MAN2C1: variants seen among roughly 807,000 people sequenced by gnomAD.
MAN2C1 encodes mannosidase alpha class 2C member 1.
In MAN2C1, 111 loss-of-function variants were observed where a neutral mutation model predicts 126.9. That is an observed-to-expected ratio of 0.87 (90% CI 0.75 to 1.02). The LOEUF is 1.02. MAN2C1 is among the 50% of genes least tolerant of loss of function. The pLI is 0.00. For missense variants in MAN2C1, 1,363 were observed against 1,364.4 expected (o/e 1.00, Z 0.02); for synonymous variants, 567 against 561.5 (o/e 1.01, Z -0.14).
Position 75,362,762 on chromosome 15 carries a change from G to C in MAN2C1, c.791-14C>G, listed in dbSNP as rs571556888. 6.2e-7 allele frequency: 1 copy of C among 1,610,382 alleles called. No homozygotes were observed. The highest frequency in any genetic ancestry group is 1.1e-5 in the South Asian group (1 of 90,972). On this transcript the variant is annotated splice_polypyrimidine_tract_variant and intron_variant, in intron 6 of 25. Transcript: ENST00000267978. This position sits in a 1 kb window ranked among gnomAD's most constrained non-coding sequence, Gnocchi z 4.5. ...GCCAAAGCCAGGCTATACGGGGAGTGAGGTGGAGGACAGAGGGAGCAGCAA... is the reference window on the plus strand; with the variant it reads ...GCCAAAGCCAGGCTATACGGGGAGTCAGGTGGAGGACAGAGGGAGCAGCAA...
Position 75,358,497 on chromosome 15 carries a change from C to A in MAN2C1, c.2368G>T (p.Asp790Tyr). ...AAGCGGACATAGGGGCAGCCAACGT[C>A]CAGCACAACCTCCTGGCTAAGCCGA... ...NSRLSQEVVL[D>Y]VGCPYVRFHT... The change falls in exon 20 of 26, where the codon GAC becomes TAC. Residue 790 changes from aspartate (D) to tyrosine (Y), a missense_variant. By Grantham distance (160) the Asp-to-Tyr change is radical. Transcript: ENST00000267978. The A allele has an allele frequency of 6.2e-7, 1 of 1,613,526 alleles. No homozygotes were observed. The highest frequency in any genetic ancestry group is 8.5e-7 in the Non-Finnish European group (1 of 1,180,012).
intron 13 of MAN2C1, 163 bp from the exon 14 acceptor site, chr15:75,360,374 G>A: frequency 7.7e-7 from 1 of 1,297,058 alleles, no homozygotes; most frequent in Non-Finnish European, 1.1e-6. Flanking sequence ...TCTCCCCGCA[G>A]CCCAAACCCT....
intron 18 of MAN2C1, 105 bp from the exon 19 acceptor site, chr15:75,358,913 A>G (rs1002571414): frequency 1.3e-4 from 174 of 1,381,930 alleles, no homozygotes; most frequent in Non-Finnish European, 1.3e-4. Context: ...ACAGGGGACT[A>G]CTGCCCAGCC....
chr15:75,355,934 A>G lies in MAN2C1; in HGVS notation c.3095T>C (p.Leu1032Ser). 6.2e-7 allele frequency: 1 copy of G among 1,614,216 alleles called. No individual in the cohort carries two copies. ...GTGTGGCGGAGGCTGAAGCACGAGC[A>G]ACAGGGACAGCACTTGGAAGGGAGA... ...TFSPFQVLSL[L>S]LVLQPPPH Residue 1032 changes from leucine (L) to serine (S), a missense_variant, in exon 26 of 26, where the codon TTG becomes TCG. Leu to Ser is a moderately radical substitution (Grantham distance 145). Around this residue, in one of 3 missense-constraint regions of MAN2C1, gnomAD observed 668 missense variants for 650.1 expected, o/e 1.03. Coordinates refer to ENST00000267978, the MANE Select transcript of MAN2C1 (RefSeq NM_006715.4).
Position 75,368,200 on chromosome 15 carries a change from TGCGTGGGACGGGCCGGTG to T in MAN2C1, c.102-20_102-3del. ...ACAGGGCAGCTGGCCCCAAAAAGCCTGCGTGGGACGGGCCGGTGGGCACATGCTGGAGGCCGCCCCGTT... is the reference window on the plus strand; with the variant it reads ...ACAGGGCAGCTGGCCCCAAAAAGCCTGGCACATGCTGGAGGCCGCCCCGTT... On this transcript the variant is annotated splice_region_variant and splice_polypyrimidine_tract_variant and intron_variant, in intron 1 of 25. Transcript: ENST00000267978. The T allele has an allele frequency of 6.2e-7, 1 of 1,601,830 alleles. No individual in the cohort carries two copies. The highest frequency in any genetic ancestry group is 8.5e-7 in the Non-Finnish European group (1 of 1,176,572).
At position 75,356,443 on chromosome 15, in the gene MAN2C1, A is replaced by G. The variant is rs765309117; in HGVS notation, c.2744T>C (p.Phe915Ser). The G allele has an allele frequency of 3.1e-6, 5 of 1,600,292 alleles. No individual in the cohort carries two copies. Among genetic ancestry groups the G allele is most frequent in the Non-Finnish European group, 3.4e-6 (4 of 1,174,560 alleles). The change falls in exon 24 of 26, where the codon TTC (phenylalanine) becomes TCC (serine). Residue 915 changes from phenylalanine (F) to serine (S), a missense_variant. Phe to Ser is a radical substitution (Grantham distance 155). This residue lies in a region of MAN2C1 where 668 missense variants were observed against 650.1 expected (regional missense o/e 1.03). Coordinates refer to ENST00000267978, the MANE Select transcript of MAN2C1 (RefSeq NM_006715.4). The surrounding 1 kb of genome is among the most constrained non-coding windows in gnomAD (Gnocchi z 5.8). ...TYALMPHKGS[F>S]QDAGVIQAAY... Reference sequence around the variant, plus strand: ...AGCTTGGATAACGCCAGCATCCTGGAAAGAGCCTGGGGTACGACCAGGAAA... The same window carrying G: ...AGCTTGGATAACGCCAGCATCCTGGGAAGAGCCTGGGGTACGACCAGGAAA...
chr15:75,358,649 G>A (rs762078328), intron 19 of MAN2C1, 31 bp from the exon 20 acceptor site: 2 of 1,499,074 alleles, frequency 1.3e-6, no homozygotes, highest in South Asian at 2.3e-5. Flanking sequence ...TACTGATCCA[G>A]AGCAGCCTGT....
intron 6 of MAN2C1, chr15:75,363,343 G>A (rs2072514238): frequency 4.4e-6 from 2 of 455,884 alleles, no homozygotes; most frequent in Admixed American, 4.7e-5. Context: ...AACTTGTCCA[G>A]GAAGCCTCTC....
chr15:75,368,148 G>C lies in MAN2C1; in HGVS notation c.152C>G (p.Pro51Arg). The C allele has an allele frequency of 6.2e-7, 1 of 1,604,890 alleles. No individual in the cohort carries two copies. Among genetic ancestry groups the C allele is most frequent in the Non-Finnish European group, 8.5e-7 (1 of 1,177,042 alleles). The change falls in exon 2 of 26, where the codon CCG becomes CGG. Residue 51 changes from proline to arginine, a missense_variant. By Grantham distance (103) the Pro-to-Arg change is moderately radical. This residue lies in a region of MAN2C1 where 628 missense variants were observed against 609.8 expected (regional missense o/e 1.03). Transcript: ENST00000267978. ...TGCCTCCTGGTAGGGAAGTCTCTCC[G>C]GCGTCAGGAAGCTGGAGAGCACAGC... is the stretch of plus-strand genomic sequence containing the variant. ...PVAVLSSFLT[P>R]ERLPYQEAVQ...
Position 75,359,714 on chromosome 15 carries a change from C to A in MAN2C1, c.1854G>T (p.Glu618Asp). The A allele has an allele frequency of 6.2e-7, 1 of 1,614,158 alleles. No individual in the cohort carries two copies. Reference protein sequence around the residue: ...SAAAAALCAGEPGPEGLLIVN... With the variant: ...SAAAAALCAGDPGPEGLLIVN... ...CGATGAGGAGGCCCTCAGGACCTGG[C>A]TCCCCAGCACACAGGGCTGCGGCTG... Residue 618 changes from glutamate to aspartate, a missense_variant, in exon 16 of 26, where the codon GAG becomes GAT. Transcript: ENST00000267978.
At position 75,358,453 on chromosome 15, in the gene MAN2C1, C is replaced by A. The variant is rs200817964; in HGVS notation, c.2403+9G>T. 7 of 1,613,272 alleles carry A rather than the reference C, an allele frequency of 4.3e-6. No individual in the cohort carries two copies. Among genetic ancestry groups the A allele is most frequent in the South Asian group, 2.2e-5 (2 of 91,088 alleles). The stretch of plus-strand genomic sequence containing the variant: ...TGGGGAAAACAGCCACCCCCTACCC[C>A]CCGACTACCTCGGTGTGGAAGCGGA... On this transcript the variant is annotated intron_variant, in intron 20 of 25. Transcript: ENST00000267978.
chr15:75,367,716 T>A, intron 2 of MAN2C1, 82 bp from the exon 3 acceptor site: 1 of 1,556,542 alleles, frequency 6.4e-7, no homozygotes, highest in Non-Finnish European at 8.8e-7. Context: ...CGGCAGGGGC[T>A]TGAAACTCTC....
rs2072475004 is a variant in MAN2C1, at chr15:75,361,778, A to G, written c.1102-58T>C. 1.3e-6 allele frequency: 2 copies of G among 1,589,604 alleles called. No homozygotes were observed. Among genetic ancestry groups the G allele is most frequent in the Non-Finnish European group, 1.7e-6 (2 of 1,157,986 alleles). ...CCAGAGCTCCAGGCGGACTCACCCC[A>G]GCCTCAGCCCCTCAGCACTCCAAGT... On this transcript the variant is annotated intron_variant, in intron 9 of 25. Coordinates refer to ENST00000267978, the MANE Select transcript of MAN2C1 (RefSeq NM_006715.4). The surrounding 1 kb of genome is among the most constrained non-coding windows in gnomAD (Gnocchi z 5.0).
Position 75,362,580 on chromosome 15 carries a change from G to T in MAN2C1, c.897+62C>A. ...GACCCCAGGCCTGGGAAGCCTTCAG[G>T]GCCTGTGGAGCTCCAGGGAGGGCCA... On this transcript the variant is annotated intron_variant, in intron 7 of 25. Transcript: ENST00000267978. The surrounding 1 kb of genome is among the most constrained non-coding windows in gnomAD (Gnocchi z 4.5). 6.4e-7 allele frequency: 1 copy of T among 1,572,884 alleles called. No homozygotes were observed. The highest frequency in any genetic ancestry group is 1.3e-5 in the African/African-American group (1 of 74,118).
chr15:75,368,373 CG>C, intron 1 of MAN2C1, 109 bp downstream of exon 1: 2 of 1,389,276 alleles, frequency 1.4e-6, no homozygotes, highest in South Asian at 2.6e-5. Context: ...CTGCCCGCGG[CG>C]GGCACTTTGT....
rs1555435940 is a variant in MAN2C1, at chr15:75,361,252, T to A, written c.1314+34A>T. ...TGGAACAAGCCAGCCCTCTCCAGCC[T>A]GCCCCTACCCCACCACCCTAGGTGA... On this transcript the variant is annotated intron_variant, in intron 11 of 25. Transcript: ENST00000267978. The surrounding 1 kb of genome is among the most constrained non-coding windows in gnomAD (Gnocchi z 5.0). 1 of 1,584,834 alleles carries A rather than the reference T, an allele frequency of 6.3e-7. No individual in the cohort carries two copies. The highest frequency in any genetic ancestry group is 1.1e-5 in the South Asian group (1 of 87,124).
rs1332425779 is a variant in MAN2C1, at chr15:75,367,555, T to C, written c.307A>G (p.Ser103Gly). 2 of 1,614,172 alleles carry C rather than the reference T, an allele frequency of 1.2e-6. No homozygotes were observed. Among genetic ancestry groups the C allele is most frequent in the Admixed American group, 1.7e-5 (1 of 60,012 alleles). Reference protein sequence around the residue: ...VGQEVHLCWESDGEGLVWRDG... With the variant: ...VGQEVHLCWEGDGEGLVWRDG... ...CGCCACACCAGACCTTCTCCATCAC[T>C]TTCCCAGCAAAGGTGAACTTCCTGG... is the stretch of plus-strand genomic sequence containing the variant. The change falls in exon 3 of 26, where the codon AGT (serine) becomes GGT (glycine). Residue 103 changes from serine (S) to glycine (G), a missense_variant. This residue lies in a region of MAN2C1 where 628 missense variants were observed against 609.8 expected (regional missense o/e 1.03). Transcript: ENST00000267978.
At chr15:75,368,356 C>T in intron 1 of MAN2C1, 127 bp downstream of exon 1, 4 of 1,380,620 alleles carry the variant, frequency 2.9e-6, no homozygotes, top group South Asian at 1.3e-5. Context: ...CCTCCCCGGC[C>T]CCTGCCCTGC....
In MAN2C1 at chr15:75,359,959, A is replaced by C; in HGVS notation, c.1736T>G (p.Val579Gly). The change falls in exon 15 of 26, where the codon GTG (valine) becomes GGG (glycine). Residue 579 changes from valine (V) to glycine (G), a missense_variant. Val to Gly is a moderately radical substitution (Grantham distance 109). Transcript: ENST00000267978. ...CATCTGGATGCAGCTTCCAGTCACC[A>C]CATCATGGAACTGGTTCAGAAGAAG... ...RLLLLNQFHD[V>G]VTGSCIQMVA... The C allele has an allele frequency of 6.2e-7, 1 of 1,613,882 alleles. No homozygotes were observed. Among genetic ancestry groups the C allele is most frequent in the Non-Finnish European group, 8.5e-7 (1 of 1,179,868 alleles).
Sources: allele counts gnomAD v4.1 joint callset, GRCh38; gene constraint gnomAD v4.1.1; regional missense constraint gnomAD v4.1.1; non-coding constraint Gnocchi (gnomAD v3.1); transcripts MANE v1.5; gene names NCBI Gene and HGNC (gene_info 2026-07-23, HGNC 2026-07-21).